The following EEF1AKMT2 variants were observed in gnomAD, a reference collection of about 807,000 sequenced individuals.
EEF1AKMT2 encodes the protein EEF1A lysine methyltransferase 2.
Under a neutral mutation model 35.8 loss-of-function variants are expected in EEF1AKMT2, and 32 were observed. The observed-to-expected ratio is 0.89, with a 90% CI of 0.67 to 1.20. The LOEUF (loss-of-function observed/expected upper bound fraction) is 1.20. EEF1AKMT2 is among the 50% of genes most tolerant of loss of function. The probability of loss-of-function intolerance (pLI) is 0.00; values close to 1 mark genes in which losing one functional copy is unlikely to be tolerated. For missense variants in EEF1AKMT2, 330 were observed against 347.5 expected (o/e 0.95, Z 0.40); for synonymous variants, 121 against 133.7 (o/e 0.91, Z 0.65).
rs2134147663 is a variant in EEF1AKMT2 at position 124,790,336 on chromosome 10, C to T, written c.113G>A (p.Trp38Ter). 1 of 1,607,278 alleles carries T rather than the reference C, an allele frequency of 6.2e-7. No homozygotes were observed. Among genetic ancestry groups the T allele is most frequent in the Non-Finnish European group, 8.5e-7 (1 of 1,173,928 alleles). ...CAGTTCTCTCTCATAGACAGCATCC[C>T]AACTATGTAAACAATGAAATGCAAA... The part of the protein sequence containing the change: ...VPSALGTREH[W>*]DAVYERELQT... Residue 38 changes from tryptophan to a stop codon, truncating the protein, a stop_gained and splice_region_variant, in exon 2 of 7, where the codon TGG becomes TAG. Transcript: ENST00000368836. LOFTEE classifies it high-confidence loss of function.
Position 124,789,100 on chromosome 10 carries a change from T to G in EEF1AKMT2, c.234A>C (p.Pro78=). Residue 78 remains proline (P), a synonymous_variant, in exon 3 of 7, where the codon CCA becomes CCC. Transcript: ENST00000368836. ...LIRWMQKHKI[P]LDASVLDIGT... ...CAATATCAAGCACTGAAGCATCCAG[T>G]GGAATCTTGTGTTTCTGCATCCACC... is the stretch of plus-strand genomic sequence containing the variant. 1.9e-6 allele frequency: 3 copies of G among 1,613,888 alleles called. No individual in the cohort carries two copies. Among genetic ancestry groups the G allele is most frequent in the Non-Finnish European group, 2.5e-6 (3 of 1,179,924 alleles).
downstream of EEF1AKMT2, among the ~76,000 whole-genome samples, chr10:124,756,353 G>A (rs1460515056): frequency 2.6e-5 from 4 of 152,074 alleles, no homozygotes; most frequent in East Asian, 7.7e-4. Flanking sequence ...CTTTTACAGT[G>A]GTATCAGCAT....
At chr10:124,782,438 C>T (rs1022365356) in intron 3 of EEF1AKMT2, among the ~76,000 whole-genome samples, 8 of 151,640 alleles carry the variant, frequency 5.3e-5, no homozygotes, top group African/African-American at 1.9e-4. Flanking sequence ...AAAAATTAGC[C>T]GGGCGTGGTA....
chr10:124,779,818 T>A (rs1950524817), intron 3 of EEF1AKMT2, among the ~76,000 whole-genome samples: 1 of 135,036 alleles, frequency 7.4e-6, no homozygotes, highest in South Asian at 2.6e-4. Context: ...ATCCCAGCAC[T>A]CTTGGAGGCC....
In EEF1AKMT2 at chr10:124,759,628, C is replaced by T. The variant is rs1425624624; in HGVS notation, c.*875G>A. On this transcript the variant is annotated 3_prime_UTR_variant, in exon 7 of 7. Transcript: ENST00000368836. ...CTGGCTCCATCCTGTACTGTTGAAC[C>T]TCATAAAAGTGACTTCACTTCTCTC... The T allele has an allele frequency of 6.6e-6, 1 of 152,172 alleles. No homozygotes were observed. Among genetic ancestry groups the T allele is most frequent in the Non-Finnish European group, 1.5e-5 (1 of 68,028 alleles). 9.4% of individuals were successfully genotyped at this position (152,172 alleles called of 1,614,324 possible). A position where few individuals can be genotyped will look rare whatever the true frequency, so the allele number is the denominator to read the frequency against.
At chr10:124,770,016 C>CTCATGCCT (rs1162929128) in intron 4 of EEF1AKMT2, among the ~76,000 whole-genome samples, 4 of 149,878 alleles carry the variant, frequency 2.7e-5, no homozygotes, top group Non-Finnish European at 4.4e-5. Flanking sequence ...GGAGTGGTGG[C>CTCATGCCT]TCATGCCTGT....
At chr10:124,761,477 G>C (rs1048657169) in intron 6 of EEF1AKMT2, among the ~76,000 whole-genome samples, 1 of 151,814 alleles carries the variant, frequency 6.6e-6, no homozygotes, top group East Asian at 1.9e-4. Context: ...CAAACTAAAC[G>C]AACTAATAAA....
At chr10:124,774,304 T>C (rs532199505) in intron 4 of EEF1AKMT2, among the ~76,000 whole-genome samples, 2 of 132,878 alleles carry the variant, frequency 1.5e-5, no homozygotes, top group East Asian at 2.4e-4. Context: ...GAGGCGGAGC[T>C]TGCAGTAAGC....
At chr10:124,781,907 G>A (rs1460243433) in intron 3 of EEF1AKMT2, among the ~76,000 whole-genome samples, 1 of 151,990 alleles carries the variant, frequency 6.6e-6, no homozygotes, top group Non-Finnish European at 1.5e-5. Context: ...TAATAGTAAA[G>A]ACAACTACAA....
chr10:124,769,946 C>CAAAAAAAAAAAA (rs71484588), intron 4 of EEF1AKMT2, among the ~76,000 whole-genome samples: 1 of 60,216 alleles, frequency 1.7e-5, no homozygotes. Flanking sequence ...AACTCCATCT[C>CAAAAAAAAAAAA]AAAAAAAAAA....
Position 124,758,447 on chromosome 10 carries a change from G to C in EEF1AKMT2, c.*2056C>G, listed in dbSNP as rs2134116134. The C allele has an allele frequency of 6.7e-6, 1 of 149,500 alleles. No homozygotes were observed. Among genetic ancestry groups the C allele is most frequent in the Admixed American group, 6.7e-5 (1 of 14,938 alleles). 9.3% of individuals were successfully genotyped at this position (149,500 alleles called of 1,614,324 possible). A position where few individuals can be genotyped will look rare whatever the true frequency, so the allele number is the denominator to read the frequency against. On this transcript the variant is annotated 3_prime_UTR_variant, in exon 7 of 7. Transcript: ENST00000368836. ...AAGAAGCTAGCTTCCAGCAGGATTA[G>C]AGTAATAAGAAGAGATGACAACTTC...
intron 6 of EEF1AKMT2, among the ~76,000 whole-genome samples, chr10:124,760,942 T>C (rs1488902907): frequency 6.6e-6 from 1 of 152,246 alleles, no homozygotes; most frequent in Non-Finnish European, 1.5e-5. Flanking sequence ...CAAGCTCAGC[T>C]CACTGCAACC....
At chr10:124,787,342 A>C (rs1263517047) in intron 3 of EEF1AKMT2, among the ~76,000 whole-genome samples, 1 of 150,564 alleles carries the variant, frequency 6.6e-6, no homozygotes, top group East Asian at 2.0e-4. Flanking sequence ...CTGAGGCACG[A>C]GAACCACTTG....
chr10:124,783,330 G>A (rs987777696), intron 3 of EEF1AKMT2, among the ~76,000 whole-genome samples: 10 of 151,890 alleles, frequency 6.6e-5, no homozygotes, highest in African/African-American at 1.9e-4. Context: ...TTTTGGTAGC[G>A]ACAGGGTTTC....
At chr10:124,783,131 A>G (rs77943398) in intron 3 of EEF1AKMT2, among the ~76,000 whole-genome samples, 1 of 138,016 alleles carries the variant, frequency 7.2e-6, no homozygotes, top group Non-Finnish European at 1.6e-5. Flanking sequence ...GGATATAGGG[A>G]AAAACCTTTT....
At chr10:124,779,939 T>C (rs962683266) in intron 3 of EEF1AKMT2, among the ~76,000 whole-genome samples, 1 of 148,166 alleles carries the variant, frequency 6.7e-6, no homozygotes, top group Non-Finnish European at 1.5e-5. Context: ...GGCGGGCACA[T>C]GTAGTCCCAG....
At chr10:124,785,382 A>T (rs1345000070) in intron 3 of EEF1AKMT2, among the ~76,000 whole-genome samples, 1 of 152,140 alleles carries the variant, frequency 6.6e-6, no homozygotes, top group Non-Finnish European at 1.5e-5. Flanking sequence ...GATCCAAAAA[A>T]GGAAAAAATT....
chr10:124,789,235 C>A, intron 2 of EEF1AKMT2, 78 bp from the exon 3 acceptor site: 1 of 874,832 alleles, frequency 1.1e-6, no homozygotes, highest in Admixed American at 2.3e-5. Context: ...GCTATTTATA[C>A]CATATGCTCA....
At chr10:124,772,708 G>A (rs189523871) in intron 4 of EEF1AKMT2, among the ~76,000 whole-genome samples, 118 of 152,260 alleles carry the variant, frequency 7.7e-4, no homozygotes, top group African/African-American at 2.6e-3. Flanking sequence ...GATTACAGGC[G>A]TGAGCCACTG....
Sources: allele counts gnomAD v4.1 joint callset (sites outside exome capture counted in the v4.1 genomes callset), GRCh38; gene constraint gnomAD v4.1.1; transcripts MANE v1.5; gene names NCBI Gene and HGNC (gene_info 2026-07-23, HGNC 2026-07-21).